CRACD: variants seen among roughly 807,000 people sequenced by gnomAD.
CRACD encodes the protein capping protein inhibiting regulator of actin dynamics.
CRACD carries 56 observed loss-of-function variants against 106.8 expected under a neutral mutation model. The ratio of observed to expected loss-of-function variants is 0.52; its 90% CI spans 0.42 to 0.66. CRACD has a LOEUF of 0.66. Among genes scored for constraint, CRACD ranks in the 30% least tolerant of loss-of-function variants. The pLI is 0.00. For synonymous variants in CRACD, 754 were observed against 670.8 expected, an observed-to-expected ratio of 1.12 and a Z score of -1.92; for missense variants, 1,730 against 1,623.2, an observed-to-expected ratio of 1.07 and a Z score of -1.13.
At chr4:56,067,102 T>C (rs1732489472) in intron 1 of CRACD, among the ~76,000 whole-genome samples, 1 of 152,096 alleles carries the variant, frequency 6.6e-6, no homozygotes, top group South Asian at 2.1e-4. Context: ...TACAAGAGCC[T>C]TTTGCATTTT....
chr4:56,148,280 TTTA>T lies in CRACD; in HGVS notation c.-335-31003_-335-31001del, dbSNP rs200268152. Reference sequence around the variant, plus strand: ...CTCATTGTGCTTTTGTTGTTTTTTTTTTAAAAAAAAAAAAATTTATTTTTTCAG... The same window carrying T: ...CTCATTGTGCTTTTGTTGTTTTTTTTAAAAAAAAAAAATTTATTTTTTCAG... On this transcript the variant is annotated intron_variant, in intron 1 of 10. Coordinates refer to ENST00000682029, the MANE Select transcript of CRACD (RefSeq NM_001393381.1). Among the ~76,000 whole-genome samples the T allele has an allele frequency of 5.6e-3, 803 of 144,648 alleles. 6 individuals are homozygous for T. Among genetic ancestry groups the T allele is most frequent in the African/African-American group, 0.021 (756 of 35,310 alleles). 94.9% of individuals were successfully genotyped at this position (144,648 alleles called of 152,430 possible).
At chr4:56,296,016 G>T (rs916138449) in intron 3 of CRACD, among the ~76,000 whole-genome samples, 4 of 152,014 alleles carry the variant, frequency 2.6e-5, no homozygotes, top group Non-Finnish European at 5.9e-5. Context: ...GGGTTATTTA[G>T]CTGAAGACGT....
intron 1 of CRACD, among the ~76,000 whole-genome samples, chr4:56,075,274 T>C (rs1342232954): frequency 1.3e-5 from 2 of 152,214 alleles, no homozygotes; most frequent in East Asian, 3.8e-4. Flanking sequence ...CCAGCTCCTC[T>C]TTGTACCTCT....
At chr4:56,170,277 T>C (rs1577708504) in intron 1 of CRACD, 1 of 152,172 alleles carries the variant, frequency 6.6e-6, no homozygotes, top group Non-Finnish European at 1.5e-5. Context: ...GCGCAGGTTC[T>C]TTGAGGGGAT....
At chr4:56,192,490 C>T (rs542657324) in intron 2 of CRACD, among the ~76,000 whole-genome samples, 1 of 152,042 alleles carries the variant, frequency 6.6e-6, no homozygotes, top group East Asian at 1.9e-4. Flanking sequence ...ATATCTAATC[C>T]TGTAGTTACT....
chr4:56,279,244 ATCT>A (rs1345453080), intron 3 of CRACD, among the ~76,000 whole-genome samples: 1 of 152,164 alleles, frequency 6.6e-6, no homozygotes, highest in African/African-American at 2.4e-5. Flanking sequence ...GAAATCATTC[ATCT>A]TCTGCGTCGC....
In CRACD at chr4:56,296,913, T is replaced by G. The variant is rs529087308; in HGVS notation, c.-16-1301T>G. 1.5e-3 allele frequency among the ~76,000 whole-genome samples: 194 copies of G among 126,834 alleles called. 1 individual carries two copies. Among genetic ancestry groups the G allele is most frequent in the Non-Finnish European group, 3.8e-4 (23 of 61,306 alleles). 83.2% of individuals were successfully genotyped at this position (126,834 alleles called of 152,430 possible). ...CTTCCTCTTTGTGCATTTCTTTTTT[T>G]TTGTTTGTTTTTTTTTTTTTTTGAG... On this transcript the variant is annotated intron_variant, in intron 3 of 10. Transcript: ENST00000682029.
chr4:56,137,725 C>T (rs867973006), intron 1 of CRACD, among the ~76,000 whole-genome samples: 3 of 152,172 alleles, frequency 2.0e-5, no homozygotes, highest in African/African-American at 7.2e-5. Flanking sequence ...TGGTGGTGCA[C>T]GCCTGTAGTC....
At chr4:56,279,422 A>G (rs1295854057) in intron 3 of CRACD, among the ~76,000 whole-genome samples, 6 of 152,238 alleles carry the variant, frequency 3.9e-5, no homozygotes, top group Non-Finnish European at 8.8e-5. Context: ...GATATCCAGA[A>G]TCTACAATGA....
chr4:56,148,483 G>T (rs1735472303), intron 1 of CRACD, among the ~76,000 whole-genome samples: 1 of 151,942 alleles, frequency 6.6e-6, no homozygotes, highest in South Asian at 2.1e-4. Flanking sequence ...TTGTGGAGAT[G>T]GGGTCTCACT....
At position 56,315,183 on chromosome 4, in the gene CRACD, G is replaced by T. The variant is rs370638037; in HGVS notation, c.1681G>T (p.Ala561Ser). 5.0e-6 allele frequency: 8 copies of T among 1,595,634 alleles called. No individual in the cohort carries two copies. The highest frequency in any genetic ancestry group is 6.8e-6 in the Non-Finnish European group (8 of 1,171,636). Residue 561 changes from alanine to serine, a missense_variant, in exon 8 of 11, where the codon GCA (alanine) becomes TCA (serine). Ala to Ser is a moderately conservative substitution (Grantham distance 99). Transcript: ENST00000682029. This position sits in a 1 kb window ranked among gnomAD's most constrained non-coding sequence, Gnocchi z 4.1. ...AGTCAACCTGAGCCCCGTGACGCCC[G>T]CAAAGGACACGGGGCTCACCGCTGC... Reference protein sequence around the residue: ...PKVNLSPVTPAKDTGLTAAPQ... With the variant: ...PKVNLSPVTPSKDTGLTAAPQ...
At chr4:56,108,361 C>A (rs562271675) in intron 1 of CRACD, among the ~76,000 whole-genome samples, 1 of 152,158 alleles carries the variant, frequency 6.6e-6, no homozygotes, top group African/African-American at 2.4e-5. Context: ...AAACCTCAGT[C>A]TGTGCATGAG....
intron 2 of CRACD, among the ~76,000 whole-genome samples, chr4:56,189,860 G>T (rs1258578273): frequency 6.8e-6 from 1 of 147,324 alleles, no homozygotes; most frequent in East Asian, 2.0e-4. Context: ...GGGTACATGT[G>T]CACAATGTGC....
intron 6 of CRACD, chr4:56,310,960 C>G: frequency 1.9e-6 from 1 of 523,022 alleles, no homozygotes; most frequent in Non-Finnish European, 3.4e-6. Context: ...TAGCCATACT[C>G]CCAGCATGCC....
At chr4:56,232,698 A>ATATTTATT (rs1164519565) in intron 2 of CRACD, among the ~76,000 whole-genome samples, 4 of 88,268 alleles carry the variant, frequency 4.5e-5, no homozygotes, top group African/African-American at 9.0e-5. Context: ...TAAAACATGT[A>ATATTTATT]TCTTTATTTA....
In CRACD at chr4:56,148,877, G is replaced by A. The variant is rs999178673; in HGVS notation, c.-335-30407G>A. 4.0e-5 allele frequency among the ~76,000 whole-genome samples: 6 copies of A among 151,360 alleles called. No homozygotes were observed. In the East Asian group the frequency reaches 7.8e-4, roughly 20 times the overall value. On this transcript the variant is annotated intron_variant, in intron 1 of 10. Transcript: ENST00000682029. ...GTTGCCCAGGCTGGAGTGCAGTGGC[G>A]TGATCTCGGCTCGCTGCAACTGCCG... is the stretch of plus-strand genomic sequence containing the variant.
intron 1 of CRACD, among the ~76,000 whole-genome samples, chr4:56,102,220 T>C (rs890157174): frequency 2.6e-5 from 4 of 152,198 alleles, no homozygotes; most frequent in Non-Finnish European, 5.9e-5. Flanking sequence ...GTTCCTGGTG[T>C]TCTGTATCCT....
At chr4:56,209,232 A>G (rs969864000) in intron 2 of CRACD, among the ~76,000 whole-genome samples, 1 of 152,120 alleles carries the variant, frequency 6.6e-6, no homozygotes, top group Non-Finnish European at 1.5e-5. Flanking sequence ...AACTTTTTAT[A>G]TTTTAATTTT....
chr4:56,130,920 A>G (rs2109865147), intron 1 of CRACD, among the ~76,000 whole-genome samples: 1 of 152,246 alleles, frequency 6.6e-6, no homozygotes, highest in Middle Eastern at 3.4e-3. Context: ...GAAAAGGGTT[A>G]GAGATTAGTC....
Sources: allele counts gnomAD v4.1 joint callset (sites outside exome capture counted in the v4.1 genomes callset), GRCh38; gene constraint gnomAD v4.1.1; non-coding constraint Gnocchi (gnomAD v3.1); transcripts MANE v1.5; gene names NCBI Gene and HGNC (gene_info 2026-07-23, HGNC 2026-07-21).